The following IL15 variants were observed in gnomAD, a reference collection of about 807,000 sequenced individuals.
The protein encoded by IL15 is interleukin 15.
IL15 carries 11 observed loss-of-function variants against 19.6 expected under a neutral mutation model. That is an observed-to-expected ratio of 0.56 (90% CI 0.35 to 0.93). The LOEUF (loss-of-function observed/expected upper bound fraction) is 0.93, where lower values mean the gene tolerates loss of function less well. IL15 is among the 40% of genes least tolerant of loss of function. The pLI is 0.01. For synonymous variants in IL15, 58 were observed against 59.6 expected (o/e 0.97, Z 0.12); for missense variants, 197 against 186.5 (o/e 1.06, Z -0.33).
At chr4:141,655,747 C>T (rs1463897727) in intron 1 of IL15, among the ~76,000 whole-genome samples, 2 of 152,130 alleles carry the variant, frequency 1.3e-5, no homozygotes, top group Non-Finnish European at 2.9e-5. Context: ...TGAGTGGAGA[C>T]TTTGCCACTT....
intron 2 of IL15, among the ~76,000 whole-genome samples, chr4:141,671,715 C>T (rs1287230447): frequency 2.0e-5 from 3 of 152,132 alleles, no homozygotes; most frequent in Admixed American, 1.3e-4. Context: ...CTCTTGGGAC[C>T]TAGAGTTGGA....
chr4:141,707,957 C>A (rs1729580150), intron 2 of IL15, among the ~76,000 whole-genome samples: 1 of 152,172 alleles, frequency 6.6e-6, no homozygotes, highest in Non-Finnish European at 1.5e-5. Context: ...GCCAAGCATC[C>A]CTGTGGCAGT....
intron 4 of IL15, chr4:141,721,187 C>T (rs770685687): frequency 2.1e-6 from 2 of 964,150 alleles, no homozygotes; most frequent in Non-Finnish European, 3.3e-6. Context: ...GGTAATTCTT[C>T]ATCATAAGAC....
rs114967294 is a variant in IL15 at position 141,664,781 on chromosome 4, T to C, written c.-100+8474T>C. On this transcript the variant is annotated intron_variant, in intron 2 of 7. Transcript: ENST00000320650. ...GAGACCAGAGTGGAGGGACAACAAA[T>C]AGGGTGAATGGGACAGGAATTGAAG... Among the ~76,000 whole-genome samples the C allele has an allele frequency of 2.3e-3, 347 of 152,252 alleles. 2 individuals are homozygous for C. Among genetic ancestry groups the C allele is most frequent in the Middle Eastern group, 0.02 (6 of 294 alleles).
chr4:141,679,465 C>T (rs1357299494), intron 2 of IL15, among the ~76,000 whole-genome samples: 1 of 152,088 alleles, frequency 6.6e-6, no homozygotes, highest in Admixed American at 6.5e-5. Flanking sequence ...AGATTATTTT[C>T]CTTCTTTACA....
At chr4:141,670,430 G>T (rs1158226916) in intron 2 of IL15, among the ~76,000 whole-genome samples, 9 of 152,116 alleles carry the variant, frequency 5.9e-5, no homozygotes, top group Admixed American at 3.3e-4. Context: ...AACAATATGA[G>T]TTCCTTACTT....
At chr4:141,676,775 A>G (rs951295778) in intron 2 of IL15, among the ~76,000 whole-genome samples, 5 of 134,930 alleles carry the variant, frequency 3.7e-5, no homozygotes, top group African/African-American at 6.5e-5. Flanking sequence ...GGTATGGCAG[A>G]AAAAAAAAAA....
chr4:141,693,952 A>G (rs1729008877), intron 2 of IL15, among the ~76,000 whole-genome samples: 1 of 152,236 alleles, frequency 6.6e-6, no homozygotes, highest in South Asian at 2.1e-4. Flanking sequence ...AATTGTATAT[A>G]GGTATTACTG....
chr4:141,662,759 T>C (rs900961910), intron 2 of IL15, among the ~76,000 whole-genome samples: 1 of 152,352 alleles, frequency 6.6e-6, no homozygotes, highest in Non-Finnish European at 1.5e-5. Context: ...TCTTCCTTTG[T>C]TGTTATTACT....
chr4:141,723,438 G>A (rs1730158330), intron 5 of IL15, among the ~76,000 whole-genome samples: 1 of 152,166 alleles, frequency 6.6e-6, no homozygotes, highest in South Asian at 2.1e-4. Flanking sequence ...GCGGCTATAA[G>A]CCAAGGAAGG....
rs939386840 is a variant in IL15, at chr4:141,656,167, G to A, written c.-221-19G>A. ...TACATAATTATTAATCCTCTTATCC[G>A]TACCTTTGACTCTTACAGAATCCAT... On this transcript the variant is annotated intron_variant, in intron 1 of 7. Coordinates refer to ENST00000320650, the MANE Select transcript of IL15 (RefSeq NM_000585.5). 1.5e-5 allele frequency: 6 copies of A among 397,992 alleles called. No individual in the cohort carries two copies. The highest frequency in any genetic ancestry group is 4.1e-5 in the African/African-American group (2 of 48,542). The allele number at this position is 397,992 out of a possible 1,614,324, so 24.7% of individuals were successfully genotyped here.
Position 141,727,923 on chromosome 4 carries a change from AT to A in IL15, c.196-13del. The A allele has an allele frequency of 9.3e-7, 1 of 1,075,338 alleles. No individual in the cohort carries two copies. The highest frequency in any genetic ancestry group is 1.6e-5 in the African/African-American group (1 of 63,170). The allele number at this position is 1,075,338 out of a possible 1,614,324, so 66.6% of individuals were successfully genotyped here. A position where few individuals can be genotyped will look rare whatever the true frequency, so the allele number is the denominator to read the frequency against. On this transcript the variant is annotated splice_polypyrimidine_tract_variant and intron_variant, in intron 5 of 7. Coordinates refer to ENST00000320650, the MANE Select transcript of IL15 (RefSeq NM_000585.5). ...AGGGCATAGTTTTTAATATTGTCTAATTTTGTTTCCTTTCAGTCTATGCATA... is the reference window on the plus strand; with the variant it reads ...AGGGCATAGTTTTTAATATTGTCTAATTTGTTTCCTTTCAGTCTATGCATA...
intron 2 of IL15, among the ~76,000 whole-genome samples, chr4:141,661,868 C>T (rs1482087503): frequency 6.6e-6 from 1 of 152,126 alleles, no homozygotes; most frequent in Non-Finnish European, 1.5e-5. Context: ...AATCATACCC[C>T]TCAATAAAAT....
intron 2 of IL15, among the ~76,000 whole-genome samples, chr4:141,676,735 C>T (rs1230844815): frequency 1.3e-5 from 2 of 150,270 alleles, no homozygotes; most frequent in African/African-American, 4.9e-5. Context: ...TATGACAGAG[C>T]CAATCAAGGA....
chr4:141,671,418 A>G (rs1467923245), intron 2 of IL15, among the ~76,000 whole-genome samples: 1 of 152,182 alleles, frequency 6.6e-6, no homozygotes, highest in Non-Finnish European at 1.5e-5. Context: ...CGTGATTTAA[A>G]ATTTTGTAGT....
chr4:141,656,156 T>A (rs1351978266), intron 1 of IL15, 30 bp from the exon 2 acceptor site: 1 of 398,156 alleles, frequency 2.5e-6, no homozygotes, highest in African/African-American at 2.1e-5. Context: ...TAATTATTAA[T>A]CCTCTTATCC....
chr4:141,641,557 T>C (rs1272697968), intron 1 of IL15, among the ~76,000 whole-genome samples: 1 of 152,008 alleles, frequency 6.6e-6, no homozygotes, highest in Non-Finnish European at 1.5e-5. Flanking sequence ...TGGATGAAGC[T>C]GGAAACCATC....
intron 2 of IL15, among the ~76,000 whole-genome samples, chr4:141,657,507 CACAA>C (rs1727649579): frequency 6.6e-6 from 1 of 152,036 alleles, no homozygotes; most frequent in Non-Finnish European, 1.5e-5. Context: ...CAACTTAAAG[CACAA>C]ACATATTATA....
intron 1 of IL15, among the ~76,000 whole-genome samples, chr4:141,654,842 C>A (rs760334656): frequency 3.2e-4 from 49 of 151,910 alleles, no homozygotes; most frequent in Non-Finnish European, 6.0e-4. Flanking sequence ...TTTTGGTTAC[C>A]TCTTGTTGGG....
Sources: gnomAD v4.1 joint callset for allele counts (sites outside exome capture counted in the v4.1 genomes callset) on GRCh38, gnomAD v4.1.1 for gene constraint, MANE v1.5 for transcripts, NCBI Gene and HGNC (gene_info 2026-07-23, HGNC 2026-07-21) for gene names.